The following UGP2 variants were observed in gnomAD, a reference collection of about 807,000 sequenced individuals.
The protein encoded by UGP2 is UTP--glucose-1-phosphate uridylyltransferase.
In UGP2, 40 loss-of-function variants were observed where a neutral mutation model predicts 49.0. The observed-to-expected ratio is 0.82, with a 90% CI of 0.63 to 1.06. The LOEUF (loss-of-function observed/expected upper bound fraction) is 1.06. Among genes scored for constraint, UGP2 ranks in the 50% least tolerant of loss-of-function variants. The pLI, the probability that UGP2 is intolerant of heterozygous loss-of-function variation, is 0.00. For synonymous variants in UGP2, 225 were observed against 213.0 expected (o/e 1.06, Z -0.49); for missense variants, 460 against 603.5 (o/e 0.76, Z 2.49).
upstream of UGP2, among the ~76,000 whole-genome samples, chr2:63,841,520 C>T (rs1159633230): frequency 6.6e-6 from 1 of 152,080 alleles, no homozygotes; most frequent in African/African-American, 2.4e-5. Context: ...AAGCTGCGGC[C>T]GGGTTTCACT....
At chr2:63,844,344 G>A (rs1175572087) in intron 1 of UGP2, among the ~76,000 whole-genome samples, 1 of 152,108 alleles carries the variant, frequency 6.6e-6, no homozygotes, top group Non-Finnish European at 1.5e-5. Flanking sequence ...TTTGATCTTT[G>A]CTGCAGAAAA....
chr2:63,867,840 T>C (rs923215078), intron 3 of UGP2, among the ~76,000 whole-genome samples: 7 of 152,232 alleles, frequency 4.6e-5, no homozygotes, highest in African/African-American at 1.7e-4. Flanking sequence ...GCAGTTTTCA[T>C]TGTATTAAAT....
intron 3 of UGP2, among the ~76,000 whole-genome samples, chr2:63,877,999 C>CAAAA (rs61669991): frequency 7.7e-4 from 52 of 67,898 alleles, no homozygotes; most frequent in Non-Finnish European, 9.9e-4. Flanking sequence ...GACTCCGTCT[C>CAAAA]AAAAAAAAAA....
chr2:63,867,314 C>A (rs191004899), intron 3 of UGP2, among the ~76,000 whole-genome samples: 46 of 152,222 alleles, frequency 3.0e-4, no homozygotes, highest in Non-Finnish European at 2.8e-4. Context: ...GAGATTTGTC[C>A]TAGCCTCATT....
At chr2:63,862,381 A>G (rs2104296770) in intron 3 of UGP2, among the ~76,000 whole-genome samples, 2 of 152,232 alleles carry the variant, frequency 1.3e-5, no homozygotes, top group African/African-American at 4.8e-5. Context: ...CCAAAGCTTC[A>G]ACTTTTGATT....
At chr2:63,880,141 TCCTCTCC>T (rs1310807888) in intron 3 of UGP2, among the ~76,000 whole-genome samples, 14 of 151,420 alleles carry the variant, frequency 9.2e-5, no homozygotes, top group Admixed American at 9.2e-4. Flanking sequence ...TTCCTTCCTC[TCCTCTCC>T]CCTCTCCCCT....
At chr2:63,878,404 A>G (rs1003859781) in intron 3 of UGP2, among the ~76,000 whole-genome samples, 1 of 152,176 alleles carries the variant, frequency 6.6e-6, no homozygotes, top group African/African-American at 2.4e-5. Context: ...TTCTTCAATC[A>G]GGTATGTTTT....
chr2:63,854,338 G>A (rs192346666), intron 1 of UGP2, among the ~76,000 whole-genome samples: 4 of 152,248 alleles, frequency 2.6e-5, no homozygotes, highest in East Asian at 1.9e-4. Context: ...TAGGCAATAG[G>A]GACAAAACAC....
intron 3 of UGP2, among the ~76,000 whole-genome samples, chr2:63,870,227 A>G (rs1330446026): frequency 6.6e-6 from 1 of 152,130 alleles, no homozygotes; most frequent in East Asian, 1.9e-4. Flanking sequence ...CGCCCCTAAA[A>G]TTAATTTTTA....
chr2:63,849,848 A>G (rs1668924175), intron 1 of UGP2, among the ~76,000 whole-genome samples: 1 of 152,210 alleles, frequency 6.6e-6, no homozygotes, highest in Non-Finnish European at 1.5e-5. Context: ...AAAATAAGGA[A>G]TTGGACTCAC....
chr2:63,856,015 G>A (rs1393501218), intron 1 of UGP2: 3 of 259,286 alleles, frequency 1.2e-5, no homozygotes, highest in Non-Finnish European at 2.2e-5. Context: ...CCAGAAGATG[G>A]CAGGCAGCCC....
At chr2:63,855,777 A>G (rs1031566159) in intron 1 of UGP2, 1 of 332,356 alleles carries the variant, frequency 3.0e-6, no homozygotes, top group Non-Finnish European at 6.0e-6. Flanking sequence ...CCTGGGCTCC[A>G]GGGTCTACCC....
intron 3 of UGP2, among the ~76,000 whole-genome samples, chr2:63,870,670 T>C (rs1670487272): frequency 6.6e-6 from 1 of 152,228 alleles, no homozygotes; most frequent in African/African-American, 2.4e-5. Flanking sequence ...AATAGCCGTT[T>C]GTTTTATTCA....
At chr2:63,845,202 A>G (rs1223808644) in intron 1 of UGP2, among the ~76,000 whole-genome samples, 1 of 152,182 alleles carries the variant, frequency 6.6e-6, no homozygotes, top group African/African-American at 2.4e-5. Flanking sequence ...AGATTTGAAT[A>G]CCGTTACTAG....
chr2:63,885,631 G>T lies in UGP2; in HGVS notation c.618G>T (p.Lys206Asn). ...AAGAATCTTTACTTCCTGTAGCAAA[G>T]GACGTGTCTTACTCAGGGGAAAATA... ...INKESLLPVA[K>N]DVSYSGENTE... is the part of the protein sequence containing the mutation. Residue 206 changes from lysine (K) to asparagine (N), a missense_variant, in exon 6 of 10, where the codon AAG becomes AAT. By Grantham distance (94) the Lys-to-Asn change is moderately conservative. Transcript: ENST00000337130. 1 of 1,592,790 alleles carries T rather than the reference G, an allele frequency of 6.3e-7. No homozygotes were observed. The highest frequency in any genetic ancestry group is 1.4e-5 in the African/African-American group (1 of 73,322).
intron 3 of UGP2, among the ~76,000 whole-genome samples, chr2:63,871,959 T>C (rs1287267050): frequency 6.6e-6 from 1 of 152,262 alleles, no homozygotes; most frequent in East Asian, 1.9e-4. Context: ...TTTTAGGTTT[T>C]ATAGGCCATA....
intron 1 of UGP2, chr2:63,856,103 G>A: frequency 1.9e-6 from 1 of 515,620 alleles, no homozygotes; most frequent in South Asian, 2.8e-5. Context: ...ACCTCTCAAG[G>A]GGTTCTTGTT....
chr2:63,866,844 G>C lies in UGP2; in HGVS notation c.255+8908G>C, dbSNP rs896376091. Among the ~76,000 whole-genome samples the C allele has an allele frequency of 2.0e-5, 3 of 152,024 alleles. No homozygotes were observed. In the East Asian group the frequency reaches 5.8e-4, roughly 29 times the overall value. On this transcript the variant is annotated intron_variant, in intron 3 of 9. Transcript: ENST00000337130. The stretch of plus-strand genomic sequence containing the variant: ...TCCTATGCCTTATAGCAGTCTAGGC[G>C]GATGCATTTTTTAGGAAGCAAGTAG...
intron 3 of UGP2, among the ~76,000 whole-genome samples, chr2:63,871,944 A>C (rs1670583583): frequency 6.6e-6 from 1 of 152,236 alleles, no homozygotes; most frequent in Admixed American, 6.5e-5. Context: ...GGCAGATAGT[A>C]AATATTTTAG....
Sources: gnomAD v4.1 joint callset for allele counts (sites outside exome capture counted in the v4.1 genomes callset) on GRCh38, gnomAD v4.1.1 for gene constraint, MANE v1.5 for transcripts, NCBI Gene and HGNC (gene_info 2026-07-23, HGNC 2026-07-21) for gene names.